Variants in ZNF670 observed in about 807,000 individuals in gnomAD.
The protein encoded by ZNF670 is zinc finger protein 670.
Under a neutral mutation model 10.9 loss-of-function variants are expected in ZNF670, and 7 were observed. The observed-to-expected ratio is 0.64, with a 90% CI of 0.36 to 1.20. ZNF670 has a LOEUF of 1.20. Ranked by LOEUF, ZNF670 falls within the 50% of genes most tolerant of loss-of-function variation. ZNF670 has a pLI of 0.02. For synonymous variants in ZNF670, 136 were observed against 152.7 expected (o/e 0.89, Z 0.81); for missense variants, 446 against 458.6 (o/e 0.97, Z 0.25).
At chr1:247,043,195 C>T in intron 1 of ZNF670, 3 of 728,560 alleles carry the variant, frequency 4.1e-6, no homozygotes, top group South Asian at 1.4e-5. Context: ...ACCCTCATGA[C>T]AAGGGCCATA....
chr1:247,059,150 AC>A (rs1157087077), intron 1 of ZNF670, among the ~76,000 whole-genome samples: 1 of 70,480 alleles, frequency 1.4e-5, no homozygotes, highest in African/African-American at 8.3e-5. Context: ...ATTAAAAAAT[AC>A]ACACCCCAGG....
Position 247,037,500 on chromosome 1 carries a change from G to A in ZNF670, c.1119C>T (p.Ala373=). 1 of 1,613,996 alleles carries A rather than the reference G, an allele frequency of 6.2e-7. No individual in the cohort carries two copies. The highest frequency in any genetic ancestry group is 8.5e-7 in the Non-Finnish European group (1 of 1,179,950). Residue 373 remains alanine, a synonymous_variant, in exon 4 of 4, where the codon GCC becomes GCT. Coordinates refer to ENST00000366503, the MANE Select transcript of ZNF670 (RefSeq NM_033213.5). ...TTCGAAGGGAACTGGAACAACTGAAGGCTTTACCACATTTCTTACATTCAT... is the reference window on the plus strand; with the variant it reads ...TTCGAAGGGAACTGGAACAACTGAAAGCTTTACCACATTTCTTACATTCAT... ...KPYECKKCGK[A]FSCSSSLRKH... is the part of the protein sequence containing the mutation.
chr1:247,072,366 G>A (rs1052740435), intron 1 of ZNF670, among the ~76,000 whole-genome samples: 2 of 138,938 alleles, frequency 1.4e-5, no homozygotes, highest in African/African-American at 2.9e-5. Context: ...TGTTGCCCAG[G>A]CTGGTCTCAA....
In ZNF670 at chr1:247,053,393, G is replaced by A. The variant is rs546144991; in HGVS notation, c.4-13856C>T. Among the ~76,000 whole-genome samples, 4 of 152,328 alleles carry A rather than the reference G, an allele frequency of 2.6e-5. No homozygotes were observed. The South Asian group carries it at 8.3e-4, about 32-fold the overall frequency. ...CACGCCTGTAATCCCAGTACTTTGG[G>A]AGGCCGAGGTAGGTGGATCACGAGG... is the stretch of plus-strand genomic sequence containing the variant. On this transcript the variant is annotated intron_variant, in intron 1 of 3. Transcript: ENST00000366503.
intron 1 of ZNF670, among the ~76,000 whole-genome samples, chr1:247,061,733 G>A (rs1024795830): frequency 2.6e-5 from 4 of 152,228 alleles, no homozygotes; most frequent in African/African-American, 7.2e-5. Context: ...TCTGAAAAGT[G>A]AAAGAGCAGA....
Position 247,038,346 on chromosome 1 carries a change from A to G in ZNF670, c.273T>C (p.Asn91=), listed in dbSNP as rs1391552475. Residue 91 remains asparagine, a synonymous_variant, in exon 4 of 4, where the codon AAT becomes AAC. Transcript: ENST00000366503. ...GETFSQDSNL[N]LNKKVSTGVK... is the part of the protein sequence containing the mutation. ...CTCCAGTAGAAACTTTCTTATTCAG[A>G]TTCAAATTTGAATCCTGGCTGAAGG... 3.1e-6 allele frequency: 5 copies of G among 1,614,160 alleles called. No individual in the cohort carries two copies. The highest frequency in any genetic ancestry group is 4.2e-6 in the Non-Finnish European group (5 of 1,180,020).
intron 1 of ZNF670, among the ~76,000 whole-genome samples, chr1:247,068,318 C>CAAAAAAA (rs1290761824): frequency 3.1e-5 from 1 of 32,004 alleles, no homozygotes; most frequent in South Asian, 9.9e-4. Context: ...GATTCTGTCT[C>CAAAAAAA]CAAAAAAAAA....
chr1:247,074,582 G>C lies in ZNF670; in HGVS notation c.3+4012C>G, dbSNP rs374307332. On this transcript the variant is annotated intron_variant, in intron 1 of 3. Transcript: ENST00000366503. ...CAGTTCCCCACCTTTTTGGCATCAG[G>C]GATCAGTTTCATAGAACACAGATTT... 2.2e-3 allele frequency among the ~76,000 whole-genome samples: 328 copies of C among 152,030 alleles called. 1 individual carries two copies. Among genetic ancestry groups the C allele is most frequent in the African/African-American group, 7.1e-3 (295 of 41,468 alleles).
chr1:247,037,807 T>C lies in ZNF670; in HGVS notation c.812A>G (p.His271Arg), dbSNP rs141125753. Residue 271 changes from histidine to arginine, a missense_variant, in exon 4 of 4, where the codon CAT (histidine) becomes CGT (arginine). Transcript: ENST00000366503. ...AFSRSTYLGI[H>R]ERTHTGEKPY... ...TTTTTCTCCAGTATGCGTTCTTTCA[T>C]GTATTCCCAAGTAAGTGGAACGACT... 1.1e-5 allele frequency: 17 copies of C among 1,613,404 alleles called. No homozygotes were observed. In the African/African-American group the frequency reaches 2.0e-4, roughly 19 times the overall value.
In ZNF670 at chr1:247,078,745, C is replaced by T. The variant is rs549946997; in HGVS notation, c.-149G>A. The T allele has an allele frequency of 3.7e-6, 3 of 819,552 alleles. No individual in the cohort carries two copies. Among genetic ancestry groups the T allele is most frequent in the East Asian group, 5.6e-5 (2 of 35,916 alleles). The allele number at this position is 819,552 out of a possible 1,614,324, so 50.8% of individuals were successfully genotyped here. A position where few individuals can be genotyped will look rare whatever the true frequency, so the allele number is the denominator to read the frequency against. ...ACGCACCGAGCTCGCCACATTCGCG[C>T]TGCCCAACACAAAAGCCGCGCCAGG... On this transcript the variant is annotated 5_prime_UTR_variant, in exon 1 of 4. Coordinates refer to ENST00000366503, the MANE Select transcript of ZNF670 (RefSeq NM_033213.5).
rs923774066 is a variant in ZNF670 at position 247,036,203 on chromosome 1, C to A, written c.*1246G>T. Reference sequence around the variant, plus strand: ...GTCATAAGAGTTCAACACTCCTTTACCATGAAACAATAAATAAAAAACACA... The same window carrying A: ...GTCATAAGAGTTCAACACTCCTTTAACATGAAACAATAAATAAAAAACACA... On this transcript the variant is annotated 3_prime_UTR_variant, in exon 4 of 4. Coordinates refer to ENST00000366503, the MANE Select transcript of ZNF670 (RefSeq NM_033213.5). Among the ~76,000 whole-genome samples the A allele has an allele frequency of 5.9e-5, 9 of 152,110 alleles. No homozygotes were observed. Among genetic ancestry groups the A allele is most frequent in the African/African-American group, 2.2e-4 (9 of 41,410 alleles).
chr1:247,070,202 T>C (rs1162215087), intron 1 of ZNF670, among the ~76,000 whole-genome samples: 19 of 152,160 alleles, frequency 1.2e-4, no homozygotes, highest in Admixed American at 1.2e-3. Flanking sequence ...CCAGGCATGG[T>C]AGCTCACACC....
At chr1:247,077,027 G>A (rs569162284) in intron 1 of ZNF670, among the ~76,000 whole-genome samples, 1 of 152,218 alleles carries the variant, frequency 6.6e-6, no homozygotes, top group Non-Finnish European at 1.5e-5. Flanking sequence ...ACTGGGGTGG[G>A]TATTCCTTGT....
At chr1:247,055,273 A>G (rs2103062199) in intron 1 of ZNF670, among the ~76,000 whole-genome samples, 1 of 152,242 alleles carries the variant, frequency 6.6e-6, no homozygotes, top group South Asian at 2.1e-4. Context: ...TTTTAGACAC[A>G]CTTTGTGTGA....
chr1:247,071,877 AG>A, intron 1 of ZNF670, among the ~76,000 whole-genome samples: 1 of 133,056 alleles, frequency 7.5e-6, no homozygotes, highest in South Asian at 2.3e-4. Context: ...TTTTTTTTTT[AG>A]ATGGAGTCTC....
At chr1:247,069,472 A>G (rs1671067557) in intron 1 of ZNF670, among the ~76,000 whole-genome samples, 1 of 151,276 alleles carries the variant, frequency 6.6e-6, no homozygotes. Flanking sequence ...AACCTGCCAT[A>G]TGATCCAGCA....
At chr1:247,059,284 AC>A (rs1356799778) in intron 1 of ZNF670, among the ~76,000 whole-genome samples, 3 of 150,354 alleles carry the variant, frequency 2.0e-5, no homozygotes, top group African/African-American at 7.5e-5. Flanking sequence ...TACTAAAAAT[AC>A]AAAAAAAAAA....
intron 1 of ZNF670, among the ~76,000 whole-genome samples, chr1:247,065,252 G>T (rs1670954995): frequency 6.6e-6 from 1 of 152,228 alleles, no homozygotes; most frequent in African/African-American, 2.4e-5. Flanking sequence ...CTATAGCTCA[G>T]ATAAGGAGCC....
rs1572553582 is a variant in ZNF670, at chr1:247,037,939, C to T, written c.680G>A (p.Cys227Tyr). The T allele has an allele frequency of 6.2e-7, 1 of 1,613,926 alleles. No homozygotes were observed. The highest frequency in any genetic ancestry group is 1.1e-5 in the South Asian group (1 of 90,992). Reference protein sequence around the residue: ...RTHTGEKPYACKKCGKSFTFS... With the variant: ...RTHTGEKPYAYKKCGKSFTFS... Reference sequence around the variant, plus strand: ...AGTGAATGATTTACCACATTTCTTACATGCATAGGGTTTCTCTCCAGTATG... The same window carrying T: ...AGTGAATGATTTACCACATTTCTTATATGCATAGGGTTTCTCTCCAGTATG... Residue 227 changes from cysteine to tyrosine, a missense_variant, in exon 4 of 4, where the codon TGT becomes TAT. Physicochemically the swap from Cys to Tyr is radical, Grantham distance 194. Transcript: ENST00000366503.
Sources: gnomAD v4.1 joint callset for allele counts (sites outside exome capture counted in the v4.1 genomes callset) on GRCh38, gnomAD v4.1.1 for gene constraint, MANE v1.5 for transcripts, NCBI Gene and HGNC (gene_info 2026-07-23, HGNC 2026-07-21) for gene names.